Variants in MTCL2 observed in about 807,000 individuals in gnomAD.
The protein encoded by MTCL2 is microtubule cross-linking factor 2.
the MTCL2 span, among the ~76,000 whole-genome samples, chr20:36,843,185 C>G: frequency 1.8e-4 from 28 of 152,172 alleles, no homozygotes; most frequent in African/African-American, 6.8e-4. Context: ...GGTTCTCTCT[C>G]TTCACTCCTG....
the MTCL2 span, among the ~76,000 whole-genome samples, chr20:36,857,928 G>C: frequency 6.6e-6 from 1 of 152,242 alleles, no homozygotes; most frequent in East Asian, 1.9e-4. Flanking sequence ...GGGCGTGCTT[G>C]TCCCCCATGT....
chr20:36,815,486 C>A, the MTCL2 span: 1 of 1,592,928 alleles, frequency 6.3e-7, no homozygotes, highest in Non-Finnish European at 8.5e-7. This position sits in a 1 kb window ranked among gnomAD's most constrained non-coding sequence, Gnocchi z 5.3. Context: ...GCCCAGGCAG[C>A]ACCTCGGCCT....
the MTCL2 span, among the ~76,000 whole-genome samples, chr20:36,857,626 T>C: frequency 6.6e-6 from 1 of 152,156 alleles, no homozygotes; most frequent in East Asian, 1.9e-4. Flanking sequence ...AGAGCTTTGC[T>C]GACTGTGGTG....
At chr20:36,863,232 C>G in the MTCL2 span, 1 of 1,200,910 alleles carries the variant, frequency 8.3e-7, no homozygotes, top group Non-Finnish European at 1.0e-6. The surrounding 1 kb of genome is among the most constrained non-coding windows in gnomAD (Gnocchi z 6.2). Flanking sequence ...GTCTTTGGGC[C>G]GGGCCGGCGA....
chr20:36,860,893 AC>A, the MTCL2 span, among the ~76,000 whole-genome samples: 1 of 152,020 alleles, frequency 6.6e-6, no homozygotes, highest in African/African-American at 2.4e-5. Context: ...CCCCAGCTGG[AC>A]CCCGGCCCCT....
chr20:36,800,070 A>C, the MTCL2 span, among the ~76,000 whole-genome samples: 1 of 152,214 alleles, frequency 6.6e-6, no homozygotes, highest in Non-Finnish European at 1.5e-5. Flanking sequence ...TGTAAAGAAG[A>C]ATGCTGCTTT....
chr20:36,794,696 A>C, the MTCL2 span: 1 of 1,498,490 alleles, frequency 6.7e-7, no homozygotes, highest in Non-Finnish European at 9.2e-7. This position sits in a 1 kb window ranked among gnomAD's most constrained non-coding sequence, Gnocchi z 5.4. Flanking sequence ...CGTGAGGGCA[A>C]AGACCAGGAC....
chr20:36,855,336 T>A, the MTCL2 span, among the ~76,000 whole-genome samples: 1 of 152,138 alleles, frequency 6.6e-6, no homozygotes, highest in African/African-American at 2.4e-5. Flanking sequence ...TGGCTCCAGA[T>A]CACAGTGCTC....
At chr20:36,794,769 CTTTTTTT>C in the MTCL2 span, 6 of 642,864 alleles carry the variant, frequency 9.3e-6, no homozygotes, top group East Asian at 1.5e-4. The surrounding 1 kb of genome is among the most constrained non-coding windows in gnomAD (Gnocchi z 5.4). Flanking sequence ...TCTGCATTTT[CTTTTTTT>C]TTTTTTTCTC....
At chr20:36,804,956 A>G in the MTCL2 span, 2 of 1,584,680 alleles carry the variant, frequency 1.3e-6, no homozygotes, top group Non-Finnish European at 8.6e-7. Context: ...TAGGGAGGGG[A>G]ACCTGGGTTC....
the MTCL2 span, among the ~76,000 whole-genome samples, chr20:36,852,303 T>TGCCCGG: frequency 2.8e-5 from 4 of 142,240 alleles, no homozygotes; most frequent in Admixed American, 6.8e-5. Flanking sequence ...ACTCGTCTCC[T>TGCCCGG]GCCCGGGCCC....
chr20:36,834,231 C>T, the MTCL2 span, among the ~76,000 whole-genome samples: 1 of 151,708 alleles, frequency 6.6e-6, no homozygotes, highest in African/African-American at 2.4e-5. Context: ...CTCCGTGTGG[C>T]TGAATCCTCC....
the MTCL2 span, chr20:36,784,328 T>C: frequency 2.0e-6 from 2 of 985,954 alleles, no homozygotes; most frequent in Non-Finnish European, 2.4e-6. Context: ...AGGAGGCGGC[T>C]GGCGGGACTG....
chr20:36,824,077 T>C, the MTCL2 span, among the ~76,000 whole-genome samples: 1 of 151,946 alleles, frequency 6.6e-6, no homozygotes, highest in African/African-American at 2.4e-5. Context: ...GCAAGGAGCA[T>C]AGGGGCAACA....
chr20:36,821,420 C>T, the MTCL2 span, among the ~76,000 whole-genome samples: 2 of 151,678 alleles, frequency 1.3e-5, no homozygotes, highest in Non-Finnish European at 2.9e-5. Flanking sequence ...CCCAGCTACT[C>T]GGGAGGCTGA....
At chr20:36,778,603 TG>T in the MTCL2 span, 2 of 153,170 alleles carry the variant, frequency 1.3e-5, no homozygotes, top group Non-Finnish European at 2.9e-5. Context: ...CCACATCACC[TG>T]GGAAGCTGCT....
the MTCL2 span, chr20:36,829,170 C>T: frequency 6.2e-7 from 1 of 1,610,266 alleles, no homozygotes; most frequent in Non-Finnish European, 8.5e-7. Flanking sequence ...TTCTCCACCA[C>T]CTCGAGCTCC....
chr20:36,816,444 G>A, the MTCL2 span: 1 of 731,110 alleles, frequency 1.4e-6, no homozygotes, highest in Non-Finnish European at 2.2e-6. Context: ...AGGAGCTAAG[G>A]GTCCGGGGGA....
At chr20:36,794,719 C>T in the MTCL2 span, 13 of 1,316,210 alleles carry the variant, frequency 9.9e-6, no homozygotes, top group Admixed American at 1.9e-5. This position sits in a 1 kb window ranked among gnomAD's most constrained non-coding sequence, Gnocchi z 5.4. Context: ...TCTTGTTCAC[C>T]TCTTGTAGAG....
Sources: gnomAD v4.1 joint callset for allele counts (sites outside exome capture counted in the v4.1 genomes callset) on GRCh38, gnomAD v4.1.1 for gene constraint, Gnocchi (gnomAD v3.1) non-coding constraint, MANE v1.5 for transcripts, NCBI Gene and HGNC (gene_info 2026-07-23, HGNC 2026-07-21) for gene names.